GPC5: variants seen among roughly 807,000 people sequenced by gnomAD.
GPC5 encodes glypican-5.
GPC5 carries 47 observed loss-of-function variants against 53.9 expected under a neutral mutation model. That is an observed-to-expected ratio of 0.87 (90% confidence interval 0.69 to 1.11). GPC5 has a LOEUF of 1.11. Among genes scored for constraint, GPC5 ranks in the 50% most tolerant of loss-of-function variants. GPC5 has a pLI of 0.00. For synonymous variants in GPC5, 286 were observed against 263.3 expected, an observed-to-expected ratio of 1.09 and a Z score of -0.84; for missense variants, 748 against 713.1, an observed-to-expected ratio of 1.05 and a Z score of -0.56.
chr13:92,350,253 T>G (rs1301205402), intron 7 of GPC5, among the ~76,000 whole-genome samples: 2 of 152,132 alleles, frequency 1.3e-5, no homozygotes, highest in Admixed American at 1.3e-4. Flanking sequence ...TAAGGCCATA[T>G]ATGAGAAGTC....
At chr13:91,997,885 A>G (rs930464763) in intron 6 of GPC5, among the ~76,000 whole-genome samples, 3 of 152,172 alleles carry the variant, frequency 2.0e-5, no homozygotes, top group East Asian at 1.9e-4. Context: ...TATTTTCTTT[A>G]TGGTTAAATT....
intron 2 of GPC5, among the ~76,000 whole-genome samples, chr13:91,634,776 A>G (rs2034245429): frequency 6.6e-6 from 1 of 152,106 alleles, no homozygotes; most frequent in Non-Finnish European, 1.5e-5. Context: ...GAAAAGTAGC[A>G]TAGGAGTAGA....
chr13:92,372,632 C>T (rs2043660256), intron 7 of GPC5, among the ~76,000 whole-genome samples: 1 of 152,156 alleles, frequency 6.6e-6, no homozygotes, highest in Non-Finnish European at 1.5e-5. Context: ...CCACTAAATG[C>T]CACATGCCAA....
chr13:92,322,394 A>G (rs1471146132), intron 7 of GPC5, among the ~76,000 whole-genome samples: 2 of 152,186 alleles, frequency 1.3e-5, no homozygotes, highest in Non-Finnish European at 2.9e-5. Flanking sequence ...ATTGTATGAC[A>G]AAGAAAAGGT....
chr13:92,451,391 G>A (rs1397704502), intron 7 of GPC5, among the ~76,000 whole-genome samples: 1 of 151,698 alleles, frequency 6.6e-6, no homozygotes. Context: ...TAGCTTGTGG[G>A]GGAGACTTGA....
At chr13:92,777,171 C>T (rs916700741) in intron 7 of GPC5, among the ~76,000 whole-genome samples, 1 of 147,726 alleles carries the variant, frequency 6.8e-6, no homozygotes, top group African/African-American at 2.5e-5. Flanking sequence ...CTCGTCTCTA[C>T]TAAAAATACA....
At chr13:92,741,481 C>A (rs1566394795) in intron 7 of GPC5, among the ~76,000 whole-genome samples, 1 of 151,986 alleles carries the variant, frequency 6.6e-6, no homozygotes, top group Admixed American at 6.6e-5. Context: ...GAAATCCATT[C>A]TTTTTCTTTA....
intron 5 of GPC5, among the ~76,000 whole-genome samples, chr13:91,851,525 GT>G (rs1219641739): frequency 6.6e-6 from 1 of 151,274 alleles, no homozygotes; most frequent in Non-Finnish European, 1.5e-5. Flanking sequence ...TATACTTCAA[GT>G]TTTAGGGTAC....
At chr13:91,942,046 T>G (rs2039932199) in intron 6 of GPC5, among the ~76,000 whole-genome samples, 1 of 152,070 alleles carries the variant, frequency 6.6e-6, no homozygotes, top group Non-Finnish European at 1.5e-5. Context: ...CTATAATTAA[T>G]TTTTTTGGTG....
chr13:92,732,852 A>G (rs913094766), intron 7 of GPC5, among the ~76,000 whole-genome samples: 1 of 151,566 alleles, frequency 6.6e-6, no homozygotes, highest in African/African-American at 2.4e-5. Flanking sequence ...TGTCTGCCTC[A>G]CTTAAATAAT....
At chr13:92,199,213 A>C (rs2042277661) in intron 7 of GPC5, among the ~76,000 whole-genome samples, 3 of 152,206 alleles carry the variant, frequency 2.0e-5, no homozygotes, top group Admixed American at 1.3e-4. Flanking sequence ...TAGGGAGCAG[A>C]AAATAATATT....
intron 7 of GPC5, among the ~76,000 whole-genome samples, chr13:92,864,587 T>G (rs1879283957): frequency 6.6e-6 from 1 of 152,092 alleles, no homozygotes; most frequent in African/African-American, 2.4e-5. Flanking sequence ...TTTAATTGCC[T>G]GGAGTCCTCA....
At chr13:92,111,380 C>A (rs1438081955) in intron 6 of GPC5, among the ~76,000 whole-genome samples, 2 of 152,110 alleles carry the variant, frequency 1.3e-5, no homozygotes, top group East Asian at 3.9e-4. Flanking sequence ...TCTATCAGCC[C>A]ATATGACCCT....
chr13:92,774,838 G>A (rs1013492599), intron 7 of GPC5, among the ~76,000 whole-genome samples: 2 of 152,122 alleles, frequency 1.3e-5, no homozygotes, highest in African/African-American at 4.8e-5. Flanking sequence ...TTATAGAGGT[G>A]AATCCTTAAT....
rs191112061 is a variant in GPC5 at position 91,919,139 on chromosome 13, C to T, written c.1401+11082C>T. ...TGTCATCTTTAATTCTTCTTTTTTA[C>T]TTACTACTAATCCATTACTACAGTC... is the stretch of plus-strand genomic sequence containing the variant. On this transcript the variant is annotated intron_variant, in intron 6 of 7. Transcript: ENST00000377067. Among the ~76,000 whole-genome samples the T allele has an allele frequency of 4.6e-5, 7 of 152,208 alleles. No individual in the cohort carries two copies. In the East Asian group the frequency reaches 1.4e-3, roughly 29 times the overall value.
intron 7 of GPC5, among the ~76,000 whole-genome samples, chr13:92,702,737 AT>A (rs1374427393): frequency 2.0e-5 from 3 of 152,062 alleles, no homozygotes; most frequent in Non-Finnish European, 4.4e-5. Context: ...TTGTGAATGC[AT>A]GTCACTTTTC....
At chr13:91,557,139 A>G (rs765815709) in intron 2 of GPC5, among the ~76,000 whole-genome samples, 2 of 152,088 alleles carry the variant, frequency 1.3e-5, no homozygotes, top group Non-Finnish European at 2.9e-5. Context: ...ATTATTTTCC[A>G]TAGTGGCTGC....
chr13:91,724,203 A>G (rs1440821039), intron 3 of GPC5, among the ~76,000 whole-genome samples: 1 of 152,230 alleles, frequency 6.6e-6, no homozygotes, highest in Non-Finnish European at 1.5e-5. Context: ...ATAATGGAGC[A>G]CAGCACATGT....
rs144781179 is a variant in GPC5, at chr13:92,342,889, A to G, written c.1561+197900A>G. 2.6e-5 allele frequency among the ~76,000 whole-genome samples: 4 copies of G among 152,296 alleles called. No individual in the cohort carries two copies. The East Asian group carries it at 7.7e-4, about 29-fold the overall frequency. On this transcript the variant is annotated intron_variant, in intron 7 of 7. Coordinates refer to ENST00000377067, the MANE Select transcript of GPC5 (RefSeq NM_004466.6). Reference sequence around the variant, plus strand: ...CTCTTCAGTGTATTTATTTAGATCTATAAATATTATTTTATCATACTTATG... The same window carrying G: ...CTCTTCAGTGTATTTATTTAGATCTGTAAATATTATTTTATCATACTTATG...
Sources: gnomAD v4.1 joint callset for allele counts (sites outside exome capture counted in the v4.1 genomes callset) on GRCh38, gnomAD v4.1.1 for gene constraint, MANE v1.5 for transcripts, NCBI Gene and HGNC (gene_info 2026-07-23, HGNC 2026-07-21) for gene names.